The following NELL1 variants were observed in gnomAD, a reference collection of about 807,000 sequenced individuals.
NELL1 encodes the protein protein kinase C-binding protein NELL1.
NELL1 carries 76 observed loss-of-function variants against 107.4 expected under a neutral mutation model. The observed-to-expected ratio is 0.71, with a 90% CI of 0.59 to 0.86. The LOEUF (loss-of-function observed/expected upper bound fraction) is 0.86, where lower values mean the gene tolerates loss of function less well. Ranked by LOEUF, NELL1 falls within the 40% of genes least tolerant of loss-of-function variation. NELL1 has a pLI of 0.00. For synonymous variants in NELL1, 353 were observed against 341.2 expected (o/e 1.03, Z -0.38); for missense variants, 1,024 against 1,005.5 (o/e 1.02, Z -0.25).
intron 13 of NELL1, among the ~76,000 whole-genome samples, chr11:21,129,564 A>G (rs1855568272): frequency 1.3e-5 from 2 of 152,196 alleles, no homozygotes. Context: ...ATAATGGAAT[A>G]TTATTCCGTT....
At chr11:21,318,816 A>G (rs11026019) in intron 14 of NELL1, among the ~76,000 whole-genome samples, 71,112 of 151,806 alleles carry the variant, frequency 0.47, 17,233 homozygotes, top group Non-Finnish European at 0.5. Flanking sequence ...CTAGGAGTAA[A>G]TCAAAATCGT....
chr11:20,786,804 C>G (rs184326981), intron 3 of NELL1, among the ~76,000 whole-genome samples: 56 of 151,768 alleles, frequency 3.7e-4, no homozygotes, highest in East Asian at 3.5e-3. Flanking sequence ...GTCAGGAGAT[C>G]GAGACCATCC....
rs557534352 is a variant in NELL1, at chr11:20,880,363, G to A, written c.507-5081G>A. Among the ~76,000 whole-genome samples the A allele has an allele frequency of 3.9e-5, 6 of 152,310 alleles. No homozygotes were observed. The South Asian group carries it at 1.0e-3, about 26-fold the overall frequency. On this transcript the variant is annotated intron_variant, in intron 4 of 19. Transcript: ENST00000357134. ...ATGAGACTTACACAATGTCAGCACA[G>A]ACTAAGTGCCAAGGGCATGTAATGT...
chr11:21,148,604 C>T (rs1856039797), intron 13 of NELL1, among the ~76,000 whole-genome samples: 1 of 152,278 alleles, frequency 6.6e-6, no homozygotes, highest in South Asian at 2.1e-4. Flanking sequence ...CAACTTCTCC[C>T]TGTGGGCTAT....
intron 12 of NELL1, among the ~76,000 whole-genome samples, chr11:20,960,857 A>G (rs1851276315): frequency 6.6e-6 from 1 of 152,204 alleles, no homozygotes; most frequent in South Asian, 2.1e-4. Flanking sequence ...GATCAACCAT[A>G]GACACATCAT....
At chr11:20,909,386 A>C (rs1217630030) in intron 5 of NELL1, among the ~76,000 whole-genome samples, 1 of 152,174 alleles carries the variant, frequency 6.6e-6, no homozygotes, top group Admixed American at 6.5e-5. Context: ...CAGTGGACCT[A>C]GGTTGGGACC....
chr11:20,757,342 T>G (rs1417219862), intron 2 of NELL1, among the ~76,000 whole-genome samples: 1 of 152,176 alleles, frequency 6.6e-6, no homozygotes, highest in African/African-American at 2.4e-5. Flanking sequence ...ATAGAGAGAC[T>G]TCTCCTGGCT....
chr11:20,811,732 A>G (rs924350774), intron 3 of NELL1, among the ~76,000 whole-genome samples: 9 of 152,050 alleles, frequency 5.9e-5, no homozygotes, highest in Admixed American at 5.9e-4. Flanking sequence ...TTCTTTTTCA[A>G]ATAATCAATT....
At chr11:20,952,915 TC>T (rs1851097032) in intron 11 of NELL1, among the ~76,000 whole-genome samples, 1 of 152,044 alleles carries the variant, frequency 6.6e-6, no homozygotes, top group African/African-American at 2.4e-5. Context: ...AGTCGGGAGT[TC>T]AGTCTCTATT....
intron 12 of NELL1, among the ~76,000 whole-genome samples, chr11:21,078,051 C>T (rs541498207): frequency 1.3e-5 from 2 of 152,006 alleles, no homozygotes; most frequent in South Asian, 4.2e-4. Context: ...CACCTAATTA[C>T]GTCCTTATGA....
chr11:21,082,609 C>T (rs373093255), intron 12 of NELL1, among the ~76,000 whole-genome samples: 1 of 152,188 alleles, frequency 6.6e-6, no homozygotes, highest in African/African-American at 2.4e-5. Flanking sequence ...CTCTTCCCAA[C>T]AAAGGCCAGA....
At chr11:21,308,462 T>C in intron 14 of NELL1, among the ~76,000 whole-genome samples, 1 of 152,030 alleles carries the variant, frequency 6.6e-6, no homozygotes, top group East Asian at 1.9e-4. Flanking sequence ...GAAATATGTT[T>C]AAGGAGTATA....
chr11:20,970,698 G>T (rs1402048993), intron 12 of NELL1, among the ~76,000 whole-genome samples: 1 of 152,150 alleles, frequency 6.6e-6, no homozygotes, highest in Non-Finnish European at 1.5e-5. Flanking sequence ...GTTTGACATG[G>T]CTGGACCAAA....
intron 9 of NELL1, 146 bp downstream of exon 9, chr11:20,928,625 C>T: frequency 1.5e-6 from 1 of 684,134 alleles, no homozygotes; most frequent in South Asian, 1.9e-5. Context: ...GTAAGAAGAG[C>T]CACAATATTT....
intron 10 of NELL1, among the ~76,000 whole-genome samples, chr11:20,946,437 T>C (rs2134197286): frequency 6.6e-6 from 1 of 152,288 alleles, no homozygotes; most frequent in South Asian, 2.1e-4. Context: ...TCATACTAAA[T>C]ACAGATGCTA....
At chr11:21,326,070 T>G (rs34279911) in intron 14 of NELL1, among the ~76,000 whole-genome samples, 54 of 100,430 alleles carry the variant, frequency 5.4e-4, no homozygotes, top group East Asian at 1.1e-3. Flanking sequence ...TTTTTTTTTT[T>G]TTTTTTTTTT....
At chr11:20,845,044 T>A (rs1042966555) in intron 3 of NELL1, among the ~76,000 whole-genome samples, 5 of 152,246 alleles carry the variant, frequency 3.3e-5, no homozygotes, top group Admixed American at 1.3e-4. Flanking sequence ...TTTATCCAGA[T>A]GTCACTTAGC....
intron 4 of NELL1, among the ~76,000 whole-genome samples, chr11:20,883,247 C>T (rs1173686697): frequency 6.6e-6 from 1 of 152,216 alleles, no homozygotes; most frequent in African/African-American, 2.4e-5. Context: ...CTGGGTCACC[C>T]TGCTTTAGCT....
intron 15 of NELL1, among the ~76,000 whole-genome samples, chr11:21,378,240 C>A (rs1046740110): frequency 7.3e-6 from 1 of 137,882 alleles, no homozygotes; most frequent in Non-Finnish European, 1.5e-5. Context: ...TTTAAAAAGT[C>A]TTTTTAAAAA....
Sources: allele counts gnomAD v4.1 joint callset (sites outside exome capture counted in the v4.1 genomes callset), GRCh38; gene constraint gnomAD v4.1.1; transcripts MANE v1.5; gene names NCBI Gene and HGNC (gene_info 2026-07-23, HGNC 2026-07-21).